The following TCF4 variants were observed in gnomAD, a reference collection of about 807,000 sequenced individuals.
The protein encoded by TCF4 is SL3-3 enhancer factor 2.
A neutral mutation model predicts 82.1 loss-of-function variants in TCF4; 3 were observed. The observed-to-expected ratio is 0.04, with a 90% confidence interval of 0.02 to 0.09. The LOEUF (loss-of-function observed/expected upper bound fraction) is 0.09, where lower values mean the gene tolerates loss of function less well. Among genes scored for constraint, TCF4 ranks in the 10% least tolerant of loss-of-function variants. The probability of loss-of-function intolerance (pLI) is 1.00; values close to 1 mark genes in which losing one functional copy is unlikely to be tolerated. For missense variants in TCF4, 518 were observed against 852.7 expected (o/e 0.61, Z 4.89); for synonymous variants, 276 against 309.6 (o/e 0.89, Z 1.14).
chr18:55,582,495 C>T (rs532897244), intron 3 of TCF4, among the ~76,000 whole-genome samples: 1 of 152,088 alleles, frequency 6.6e-6, no homozygotes, highest in African/African-American at 2.4e-5. Flanking sequence ...TTGACAAAAG[C>T]CTTTCATGTG....
chr18:55,335,630 G>T (rs1226639037), intron 8 of TCF4, among the ~76,000 whole-genome samples: 1 of 152,064 alleles, frequency 6.6e-6, no homozygotes, highest in East Asian at 1.9e-4. Flanking sequence ...TCTATTCTTG[G>T]TCATTCTTGT....
intron 6 of TCF4, among the ~76,000 whole-genome samples, chr18:55,355,951 TG>T (rs1175272922): frequency 1.3e-5 from 2 of 152,200 alleles, no homozygotes; most frequent in East Asian, 3.8e-4. Flanking sequence ...CAGACCAATC[TG>T]GTTGAACCTT....
At chr18:55,487,496 A>G (rs774583857) in intron 3 of TCF4, among the ~76,000 whole-genome samples, 3 of 152,238 alleles carry the variant, frequency 2.0e-5, no homozygotes, top group Admixed American at 6.5e-5. Context: ...TTAAACATGA[A>G]AATTCAGAAT....
In TCF4 at chr18:55,391,977, T is replaced by C. The variant is rs545472053; in HGVS notation, c.369+11477A>G. 7.9e-3 allele frequency among the ~76,000 whole-genome samples: 885 copies of C among 111,670 alleles called. 1 individual carries two copies. The highest frequency in any genetic ancestry group is 0.013 in the Non-Finnish European group (675 of 52,146). 73.3% of individuals were successfully genotyped at this position (111,670 alleles called of 152,430 possible). ...AATCTTTTTTTTTTTTTTTTTTTTT[T>C]TTTTGAGACAGAGTCTCGCTCTGTC... On this transcript the variant is annotated intron_variant, in intron 6 of 19. Transcript: ENST00000354452.
intron 3 of TCF4, among the ~76,000 whole-genome samples, chr18:55,465,082 TAA>T (rs1375718145): frequency 1.3e-5 from 2 of 152,168 alleles, no homozygotes; most frequent in Non-Finnish European, 2.9e-5. Flanking sequence ...TTCATAAGTA[TAA>T]AAAGTTTCAC....
At chr18:55,630,757 CCATATAAA>C (rs1477386575) in intron 2 of TCF4, among the ~76,000 whole-genome samples, 2 of 152,100 alleles carry the variant, frequency 1.3e-5, no homozygotes, top group Non-Finnish European at 2.9e-5. Context: ...GACTATGAGA[CCATATAAA>C]TAGAGTGCTG....
intron 2 of TCF4, chr18:55,596,080 A>G (rs2097690630): frequency 2.3e-6 from 1 of 436,648 alleles, no homozygotes; most frequent in Admixed American, 2.5e-5. Flanking sequence ...TAAAAATACA[A>G]AAATTAGCCT....
At chr18:55,546,754 G>A (rs891848893) in intron 3 of TCF4, 1 of 152,176 alleles carries the variant, frequency 6.6e-6, no homozygotes, top group Non-Finnish European at 1.5e-5. Context: ...AGCTTTGAAG[G>A]CTGTAATAAT....
At chr18:55,585,045 T>C (rs1439186435) in intron 3 of TCF4, among the ~76,000 whole-genome samples, 1 of 152,188 alleles carries the variant, frequency 6.6e-6, no homozygotes, top group African/African-American at 2.4e-5. Flanking sequence ...GCTCTTAAAT[T>C]AAGTGATGGA....
At chr18:55,503,159 T>C (rs1319354121) in intron 3 of TCF4, among the ~76,000 whole-genome samples, 3 of 152,226 alleles carry the variant, frequency 2.0e-5, no homozygotes, top group Non-Finnish European at 4.4e-5. Flanking sequence ...AAAATAAAAG[T>C]GATCCTCACC....
chr18:55,432,953 G>C (rs2095244008), intron 5 of TCF4, among the ~76,000 whole-genome samples: 1 of 152,174 alleles, frequency 6.6e-6, no homozygotes. Flanking sequence ...TTTGTGACCT[G>C]TAATCATGCT....
chr18:55,598,157 T>A (rs1206831361), intron 2 of TCF4, among the ~76,000 whole-genome samples: 1 of 152,138 alleles, frequency 6.6e-6, no homozygotes, highest in African/African-American at 2.4e-5. Context: ...GCTGGAGAGA[T>A]CTTAGAAGGC....
At chr18:55,489,553 G>A (rs1303482629) in intron 3 of TCF4, among the ~76,000 whole-genome samples, 1 of 152,062 alleles carries the variant, frequency 6.6e-6, no homozygotes, top group Admixed American at 6.6e-5. Flanking sequence ...AATGATGAAA[G>A]TACTGATAAT....
chr18:55,514,720 A>G (rs2096864051), intron 3 of TCF4, among the ~76,000 whole-genome samples: 2 of 152,176 alleles, frequency 1.3e-5, no homozygotes, highest in Non-Finnish European at 2.9e-5. Context: ...GTAAGTAAAA[A>G]GCAACCAATA....
intron 2 of TCF4, among the ~76,000 whole-genome samples, chr18:55,611,795 G>A (rs1435757455): frequency 3.9e-5 from 6 of 152,012 alleles, no homozygotes; most frequent in Non-Finnish European, 5.9e-5. Flanking sequence ...TTGAGACGGA[G>A]TGTTGCTCTG....
intron 5 of TCF4, among the ~76,000 whole-genome samples, chr18:55,450,151 A>T (rs1203396348): frequency 1.3e-5 from 2 of 152,154 alleles, no homozygotes; most frequent in African/African-American, 4.8e-5. Flanking sequence ...TGCTCACAGC[A>T]ATGCCCAGCT....
intron 8 of TCF4, among the ~76,000 whole-genome samples, chr18:55,346,638 A>G (rs2081245067): frequency 6.6e-6 from 1 of 152,192 alleles, no homozygotes; most frequent in Admixed American, 6.6e-5. Flanking sequence ...TAAAGATGCA[A>G]ATCGGATTAC....
chr18:55,418,608 T>C (rs1404053653), intron 5 of TCF4, among the ~76,000 whole-genome samples: 2 of 152,194 alleles, frequency 1.3e-5, no homozygotes, highest in Non-Finnish European at 2.9e-5. Flanking sequence ...ACAATTATCA[T>C]TTATACTTTC....
intron 8 of TCF4, 96 bp from the exon 9 acceptor site, chr18:55,279,752 T>C: frequency 6.4e-7 from 1 of 1,563,638 alleles, no homozygotes; most frequent in Non-Finnish European, 8.7e-7. Context: ...AGTGCTACAT[T>C]TCTACCCTTT....
Sources: allele counts gnomAD v4.1 joint callset (sites outside exome capture counted in the v4.1 genomes callset), GRCh38; gene constraint gnomAD v4.1.1; transcripts MANE v1.5; gene names NCBI Gene and HGNC (gene_info 2026-07-23, HGNC 2026-07-21).